MGAM: variants seen among roughly 807,000 people sequenced by gnomAD.
MGAM encodes the protein maltase-glucoamylase.
MGAM carries 253 observed loss-of-function variants against 358.8 expected under a neutral mutation model. The ratio of observed to expected loss-of-function variants is 0.71; its 90% CI spans 0.64 to 0.78. MGAM has a LOEUF of 0.78. Ranked by LOEUF, MGAM falls within the 30% of genes least tolerant of loss-of-function variation. The pLI is 0.00. For missense variants in MGAM, 3,080 were observed against 3,432.6 expected, an observed-to-expected ratio of 0.90 and a Z score of 2.57; for synonymous variants, 1,105 against 1,227.1, an observed-to-expected ratio of 0.90 and a Z score of 2.08.
chr7:142,096,326 T>C lies in MGAM; in HGVS notation c.7608-5T>C, dbSNP rs370028468. On this transcript the variant is annotated splice_polypyrimidine_tract_variant and splice_region_variant and intron_variant, in intron 64 of 70. Transcript: ENST00000475668. ...TCTGTTGGGCACCTTCATTTCCCTT[T>C]CCAGGTTTGTGTCAGACCAGGTGAC... 1.6e-5 allele frequency: 25 copies of C among 1,612,616 alleles called. No individual in the cohort carries two copies. The highest frequency in any genetic ancestry group is 3.3e-5 in the Admixed American group (2 of 59,972).
chr7:142,044,899 GATAT>G lies in MGAM; in HGVS notation c.2499-2882_2499-2879del, dbSNP rs1256643394. 1.2e-3 allele frequency among the ~76,000 whole-genome samples: 83 copies of G among 71,756 alleles called. 6 individuals carry two copies. The highest frequency in any genetic ancestry group is 4.3e-3 in the African/African-American group (82 of 19,020). The allele number at this position is 71,756 out of a possible 152,430, so 47.1% of individuals were successfully genotyped here. A position where few individuals can be genotyped will look rare whatever the true frequency, so the allele number is the denominator to read the frequency against. On this transcript the variant is annotated intron_variant, in intron 21 of 70. Transcript: ENST00000475668. ...TATATTACATACACGTGTAATATAT[GATAT>G]ATAATGTATATTATATACACGTGTA...
chr7:142,088,721 A>ATGTCTGTCTGTCTGTCTGTC (rs1283708069), intron 57 of MGAM, among the ~76,000 whole-genome samples: 1 of 118,614 alleles, frequency 8.4e-6, no homozygotes, highest in African/African-American at 3.1e-5. Context: ...CTATTCATTT[A>ATGTCTGTCTGTCTGTCTGTC]TGTCTGTCTG....
Position 142,056,068 on chromosome 7 carries a change from A to C in MGAM, c.3552A>C (p.Gly1184=), listed in dbSNP as rs777963625. The stretch of plus-strand genomic sequence containing the variant: ...TGGAGGAGGACGGCAGTGCCCATGG[A>C]GTGCTCCTGCTGAACAGCAATGCCA... ...MGLEEDGSAH[G]VLLLNSNAMD... Residue 1184 remains glycine (G), a synonymous_variant, in exon 29 of 71, where the codon GGA becomes GGC. Coordinates refer to ENST00000475668, the MANE Select transcript of MGAM (RefSeq NM_001365693.1). 1.9e-6 allele frequency: 3 copies of C among 1,610,042 alleles called. No homozygotes were observed. In the Admixed American group the frequency reaches 5.0e-5, roughly 27 times the overall value.
At chr7:142,070,691 A>T (rs1028942483) in intron 43 of MGAM, among the ~76,000 whole-genome samples, 3 of 146,054 alleles carry the variant, frequency 2.1e-5, no homozygotes, top group African/African-American at 7.3e-5. Context: ...AACATGTAGG[A>T]TGGAAGGATG....
Position 142,057,446 on chromosome 7 carries a change from G to GTAGTGGTGGTGA in MGAM, c.3693+505_3693+516dup, listed in dbSNP as rs1306201249. Among the ~76,000 whole-genome samples, 7 of 146,176 alleles carry GTAGTGGTGGTGA rather than the reference G, an allele frequency of 4.8e-5. No homozygotes were observed. In the South Asian group the frequency reaches 1.6e-3, roughly 33 times the overall value. On this transcript the variant is annotated intron_variant, in intron 30 of 70. Coordinates refer to ENST00000475668, the MANE Select transcript of MGAM (RefSeq NM_001365693.1). The stretch of plus-strand genomic sequence containing the variant: ...GGTGGTGTTGGTTATGGTGGTGGTG[G>GTAGTGGTGGTGA]TAGTGGTGGTGACAGTGAGGTGGTG...
chr7:141,988,540 T>A (rs891539410), intron 2 of MGAM, among the ~76,000 whole-genome samples: 1 of 152,058 alleles, frequency 6.6e-6, no homozygotes, highest in Non-Finnish European at 1.5e-5. Flanking sequence ...CATTTTTATA[T>A]CTTTAGTAGA....
At chr7:142,099,233 T>A (rs1373539602) in intron 66 of MGAM, among the ~76,000 whole-genome samples, 1 of 152,148 alleles carries the variant, frequency 6.6e-6, no homozygotes, top group Non-Finnish European at 1.5e-5. Context: ...GATAGCCCCA[T>A]CGCCAGAGAA....
At chr7:142,041,697 C>G (rs962224789) in intron 21 of MGAM, among the ~76,000 whole-genome samples, 6 of 150,240 alleles carry the variant, frequency 4.0e-5, no homozygotes, top group African/African-American at 7.4e-5. Flanking sequence ...CCCAGACATA[C>G]GTATGTATTT....
chr7:142,031,501 C>T (rs1364642290), intron 12 of MGAM, among the ~76,000 whole-genome samples, 179 bp from the exon 13 acceptor site: 3 of 152,118 alleles, frequency 2.0e-5, no homozygotes, highest in African/African-American at 7.2e-5. Context: ...CATATTTCTT[C>T]GAGTGACCCT....
In MGAM at chr7:142,029,450, A is replaced by G. The variant is rs576299862; in HGVS notation, c.1222-912A>G. 3.1e-3 allele frequency among the ~76,000 whole-genome samples: 477 copies of G among 152,290 alleles called. 5 individuals are homozygous for G. Among genetic ancestry groups the G allele is most frequent in the Middle Eastern group, 0.01 (3 of 294 alleles). ...TAGTTTTCAAGCCCAGATCTCTAACATCATAGAGGTCATCTCTTTTTTTAT... is the reference window on the plus strand; with the variant it reads ...TAGTTTTCAAGCCCAGATCTCTAACGTCATAGAGGTCATCTCTTTTTTTAT... On this transcript the variant is annotated intron_variant, in intron 10 of 70. Transcript: ENST00000475668.
intron 2 of MGAM, among the ~76,000 whole-genome samples, chr7:141,989,085 A>AGTGTGT (rs141747720): frequency 7.1e-6 from 1 of 141,280 alleles, no homozygotes; most frequent in Non-Finnish European, 1.6e-5. Flanking sequence ...TGTGCTTGTG[A>AGTGTGT]GTGTGTGTGT....
chr7:142,055,385 G>A lies in MGAM; in HGVS notation c.3315-173G>A, dbSNP rs563647403. Reference sequence around the variant, plus strand: ...ACGGAAGAATGATGAATAACTCCTGGGCTTTTAGCGAGGATATCTGTGATA... The same window carrying A: ...ACGGAAGAATGATGAATAACTCCTGAGCTTTTAGCGAGGATATCTGTGATA... On this transcript the variant is annotated intron_variant, in intron 27 of 70. Coordinates refer to ENST00000475668, the MANE Select transcript of MGAM (RefSeq NM_001365693.1). Among the ~76,000 whole-genome samples the A allele has an allele frequency of 5.3e-5, 8 of 152,178 alleles. No individual in the cohort carries two copies. In the South Asian group the frequency reaches 1.5e-3, roughly 28 times the overall value.
intron 66 of MGAM, 143 bp downstream of exon 66, chr7:142,097,792 C>T (rs1208070003): frequency 2.2e-5 from 17 of 788,338 alleles, no homozygotes; most frequent in Non-Finnish European, 3.3e-5. Context: ...CCCTTGTAAC[C>T]TCGGTTTTCT....
At chr7:141,994,156 G>A (rs1404958202), upstream of MGAM, among the ~76,000 whole-genome samples, 7 of 152,158 alleles carry the variant, frequency 4.6e-5, no homozygotes, top group Admixed American at 2.6e-4. Context: ...GATTACAGGC[G>A]TGAGCCACTG....
intron 31 of MGAM, 110 bp from the exon 32 acceptor site, chr7:142,059,362 C>G: frequency 1.3e-6 from 2 of 1,482,564 alleles, no homozygotes; most frequent in East Asian, 2.5e-5. Flanking sequence ...GATTTGAATG[C>G]ATCAACAAGA....
At chr7:142,050,588 C>A in intron 23 of MGAM, 109 bp from the exon 24 acceptor site, 1 of 1,126,676 alleles carries the variant, frequency 8.9e-7, no homozygotes, top group Non-Finnish European at 1.3e-6. Context: ...AGCAGAGAGG[C>A]ATTTATGGCA....
At chr7:141,998,650 C>A (rs1270665773) in intron 1 of MGAM, among the ~76,000 whole-genome samples, 7 of 152,176 alleles carry the variant, frequency 4.6e-5, no homozygotes, top group Admixed American at 4.6e-4. Flanking sequence ...TTTATTCAGT[C>A]TATCATTGAT....
intron 70 of MGAM, 102 bp downstream of exon 70, chr7:142,103,541 C>T: frequency 1.7e-6 from 2 of 1,175,094 alleles, no homozygotes; most frequent in Non-Finnish European, 2.3e-6. Flanking sequence ...TCCTGCCAGG[C>T]CCTCCGGGAA....
intron 30 of MGAM, among the ~76,000 whole-genome samples, chr7:142,057,401 G>A (rs556367377): frequency 5.3e-5 from 8 of 151,230 alleles, no homozygotes; most frequent in African/African-American, 1.9e-4. Context: ...GGTGTTTGTG[G>A]TAGTGATGGT....
Sources: gnomAD v4.1 joint callset for allele counts (sites outside exome capture counted in the v4.1 genomes callset) on GRCh38, gnomAD v4.1.1 for gene constraint, MANE v1.5 for transcripts, NCBI Gene and HGNC (gene_info 2026-07-23, HGNC 2026-07-21) for gene names.